Variants in AHI1 observed in about 807,000 individuals in gnomAD.
The protein encoded by AHI1 is jouberin.
AHI1 carries 123 observed loss-of-function variants against 149.3 expected under a neutral mutation model. That is an observed-to-expected ratio of 0.82 (90% CI 0.71 to 0.96). The LOEUF (loss-of-function observed/expected upper bound fraction) is 0.96. Among genes scored for constraint, AHI1 ranks in the 40% least tolerant of loss-of-function variants. AHI1 has a pLI of 0.00. For synonymous variants in AHI1, 475 were observed against 459.8 expected (o/e 1.03, Z -0.42); for missense variants, 1,439 against 1,422.7 (o/e 1.01, Z -0.18).
Position 135,467,621 on chromosome 6 carries a change from C to T in AHI1, c.149G>A (p.Arg50Lys), listed in dbSNP as rs1269257434. Residue 50 changes from arginine (R) to lysine (K), a missense_variant, in exon 6 of 29, where the codon AGA becomes AAA. Arg to Lys is a conservative substitution (Grantham distance 26). Transcript: ENST00000265602. ...SEENISPDTI[R>K]SNLHYMKETT... ...TTCTTTCATATAGTGAAGATTGCTT[C>T]TAATAGTGTCAGGCTAAAAAGGAAG... 6.2e-7 allele frequency: 1 copy of T among 1,606,842 alleles called. No homozygotes were observed. The highest frequency in any genetic ancestry group is 8.5e-7 in the Non-Finnish European group (1 of 1,175,474).
At chr6:135,442,762 C>T (rs776411048) in intron 13 of AHI1, 48 bp from the exon 14 acceptor site, 345 of 1,508,902 alleles carry the variant, frequency 2.3e-4, no homozygotes, top group Non-Finnish European at 2.8e-4. Flanking sequence ...CATTAAAACG[C>T]GAAGGCTAGT....
chr6:135,357,745 T>C (rs1793221733), intron 24 of AHI1, among the ~76,000 whole-genome samples: 1 of 152,238 alleles, frequency 6.6e-6, no homozygotes, highest in South Asian at 2.1e-4. Context: ...GAATAGATGC[T>C]ATAATTGTTA....
chr6:135,477,042 T>A (rs1426886448), intron 5 of AHI1, among the ~76,000 whole-genome samples: 1 of 151,684 alleles, frequency 6.6e-6, no homozygotes, highest in Non-Finnish European at 1.5e-5. Flanking sequence ...GTCCTCTTTT[T>A]TTTTTTCTTT....
At chr6:135,391,794 G>C (rs1262009181) in intron 23 of AHI1, among the ~76,000 whole-genome samples, 1 of 152,210 alleles carries the variant, frequency 6.6e-6, no homozygotes, top group Non-Finnish European at 1.5e-5. Flanking sequence ...AGTAGGTACA[G>C]GGACTACTGC....
intron 14 of AHI1, among the ~76,000 whole-genome samples, chr6:135,439,361 T>C (rs575479848): frequency 1.2e-4 from 18 of 152,376 alleles, no homozygotes; most frequent in African/African-American, 4.3e-4. Context: ...AATGTATCCA[T>C]GCTATAGATG....
chr6:135,419,572 A>T (rs1294797189), intron 20 of AHI1, among the ~76,000 whole-genome samples: 1 of 152,152 alleles, frequency 6.6e-6, no homozygotes, highest in Non-Finnish European at 1.5e-5. Flanking sequence ...TATTAAGTGT[A>T]GCATTATGTC....
rs1200076656 is a variant in AHI1, at chr6:135,441,524, AAGACAAAG to A, written c.1912+1050_1912+1057del. Among the ~76,000 whole-genome samples the A allele has an allele frequency of 9.6e-3, 1,456 of 152,284 alleles. 20 individuals carry two copies. The highest frequency in any genetic ancestry group is 0.033 in the African/African-American group (1,363 of 41,558). Reference sequence around the variant, plus strand: ...ATCATAATCAAATAGTCAAAAACCAAAGACAAAGATTCCTCTTCCTCCTCTATTTTTGA... The same window carrying A: ...ATCATAATCAAATAGTCAAAAACCAAATTCCTCTTCCTCCTCTATTTTTGA... On this transcript the variant is annotated intron_variant, in intron 14 of 28. Coordinates refer to ENST00000265602, the MANE Select transcript of AHI1 (RefSeq NM_001134831.2).
chr6:135,322,417 A>G (rs1787000677), intron 25 of AHI1, among the ~76,000 whole-genome samples: 1 of 151,768 alleles, frequency 6.6e-6, no homozygotes, highest in African/African-American at 2.4e-5. Flanking sequence ...TTCACCTCTC[A>G]AGGCCTAGTG....
intron 9 of AHI1, among the ~76,000 whole-genome samples, chr6:135,457,049 T>G (rs949745634): frequency 9.2e-5 from 14 of 152,090 alleles, no homozygotes; most frequent in Admixed American, 8.5e-4. Flanking sequence ...TCCCAGCACT[T>G]TGGGAGGGTG....
chr6:135,298,771 A>C (rs1196749273), intron 27 of AHI1, among the ~76,000 whole-genome samples: 1 of 152,148 alleles, frequency 6.6e-6, no homozygotes, highest in Non-Finnish European at 1.5e-5. Flanking sequence ...TTAGAAGCTG[A>C]GATGTTTGTG....
intron 1 of AHI1, 120 bp from the exon 2 acceptor site, chr6:135,497,369 A>T (rs543342118): frequency 6.6e-6 from 1 of 152,418 alleles, no homozygotes; most frequent in Non-Finnish European, 1.5e-5. Flanking sequence ...CTCTCCGGGG[A>T]CACGGAGACC....
At chr6:135,464,167 T>C (rs1305695585) in intron 7 of AHI1, among the ~76,000 whole-genome samples, 1 of 152,022 alleles carries the variant, frequency 6.6e-6, no homozygotes, top group African/African-American at 2.4e-5. Context: ...TAATTTCCAA[T>C]ATTTTTAGTC....
Position 135,433,255 on chromosome 6 carries a change from T to C in AHI1, c.2038A>G (p.Ile680Val), listed in dbSNP as rs764643543. The C allele has an allele frequency of 3.2e-6, 5 of 1,585,568 alleles. No homozygotes were observed. The Admixed American group carries it at 6.7e-5, about 21-fold the overall frequency. ...LTSSSDGTAR[I>V]WKNEINNTNT... ...GTATTGTTTATTTCATTTTTCCATA[T>C]CCTGGAAAAGGATAAGAAGTTACAT... The change falls in exon 16 of 29, where the codon ATA (isoleucine) becomes GTA (valine). Residue 680 changes from isoleucine to valine, a missense_variant and splice_region_variant. Coordinates refer to ENST00000265602, the MANE Select transcript of AHI1 (RefSeq NM_001134831.2).
At chr6:135,354,551 C>T (rs1008334582) in intron 24 of AHI1, among the ~76,000 whole-genome samples, 1 of 152,084 alleles carries the variant, frequency 6.6e-6, no homozygotes, top group Non-Finnish European at 1.5e-5. Context: ...GCAAATAAGT[C>T]CTTCATTTAA....
Position 135,455,867 on chromosome 6 carries a change from A to G in AHI1, c.1211T>C (p.Met404Thr). 1 of 1,589,624 alleles carries G rather than the reference A, an allele frequency of 6.3e-7. No individual in the cohort carries two copies. Among genetic ancestry groups the G allele is most frequent in the Non-Finnish European group, 8.6e-7 (1 of 1,164,528 alleles). The stretch of plus-strand genomic sequence containing the variant: ...CTGTTTAAAATCATATGGCTGGGTC[A>G]TAATAGGAAGAATATAATCCACATT... ...KENVDYILPIMTQPYDFKQLK... is the reference protein window; with the variant it reads ...KENVDYILPITTQPYDFKQLK... The change falls in exon 10 of 29, where the codon ATG (methionine) becomes ACG (threonine). Residue 404 changes from methionine to threonine, a missense_variant. Physicochemically the swap from Met to Thr is moderately conservative, Grantham distance 81 (BLOSUM62 -1). Transcript: ENST00000265602.
At chr6:135,316,648 C>T (rs1195650303) in intron 26 of AHI1, among the ~76,000 whole-genome samples, 1 of 151,848 alleles carries the variant, frequency 6.6e-6, no homozygotes, top group African/African-American at 2.4e-5. Flanking sequence ...TCCCTTAATA[C>T]TAGTGTTTAA....
chr6:135,406,624 T>A (rs1456071723), intron 21 of AHI1, among the ~76,000 whole-genome samples: 1 of 152,206 alleles, frequency 6.6e-6, no homozygotes, highest in Non-Finnish European at 1.5e-5. Context: ...TACGGTGGTA[T>A]CTCCTGTGGG....
intron 25 of AHI1, among the ~76,000 whole-genome samples, chr6:135,321,714 A>G (rs1349728190): frequency 1.3e-5 from 2 of 152,222 alleles, no homozygotes; most frequent in Admixed American, 6.5e-5. Flanking sequence ...ACCAATTATT[A>G]TTTATAATAA....
chr6:135,429,494 CATATT>C (rs1275076155), intron 18 of AHI1, among the ~76,000 whole-genome samples: 3 of 151,600 alleles, frequency 2.0e-5, no homozygotes, highest in Non-Finnish European at 4.4e-5. Flanking sequence ...GTAGTTATAT[CATATT>C]ATACTAATGC....
Sources: allele counts gnomAD v4.1 joint callset (sites outside exome capture counted in the v4.1 genomes callset), GRCh38; gene constraint gnomAD v4.1.1; transcripts MANE v1.5; gene names NCBI Gene and HGNC (gene_info 2026-07-23, HGNC 2026-07-21).